Variants in GABRG3 observed in about 807,000 individuals in gnomAD.
GABRG3 encodes gamma-aminobutyric acid receptor subunit gamma-3.
A neutral mutation model predicts 48.8 loss-of-function variants in GABRG3; 25 were observed. The observed-to-expected ratio is 0.51, with a 90% CI of 0.37 to 0.72. The LOEUF (loss-of-function observed/expected upper bound fraction) is 0.72. Ranked by LOEUF, GABRG3 falls within the 30% of genes least tolerant of loss-of-function variation. GABRG3 has a pLI of 0.00. For missense variants in GABRG3, 394 were observed against 577.9 expected, an observed-to-expected ratio of 0.68 and a Z score of 3.26; for synonymous variants, 227 against 217.6, an observed-to-expected ratio of 1.04 and a Z score of -0.38.
rs371217467 is a variant in GABRG3 at position 26,994,308 on chromosome 15, G to C, written c.202+17158G>C. Among the ~76,000 whole-genome samples, 65 of 151,454 alleles carry C rather than the reference G, an allele frequency of 4.3e-4. No homozygotes were observed. In the South Asian group the frequency reaches 0.014, roughly 32 times the overall value. On this transcript the variant is annotated intron_variant, in intron 2 of 9. Transcript: ENST00000615808. ...TTCCTGTATTTCTTTTAGTGAGTGT[G>C]GTTTTCTCTGGTGGTTTGCTTTAAT...
chr15:27,393,358 A>AAAAAG lies in GABRG3; in HGVS notation c.574+64488_574+64492dup, dbSNP rs1392263659. Among the ~76,000 whole-genome samples, 165 of 141,236 alleles carry AAAAAG rather than the reference A, an allele frequency of 1.2e-3. 2 individuals are homozygous for AAAAAG. Among genetic ancestry groups the AAAAAG allele is most frequent in the South Asian group, 2.4e-3 (10 of 4,160 alleles). 92.7% of individuals were successfully genotyped at this position (141,236 alleles called of 152,430 possible). A position where few individuals can be genotyped will look rare whatever the true frequency, so the allele number is the denominator to read the frequency against. On this transcript the variant is annotated intron_variant, in intron 5 of 9. Coordinates refer to ENST00000615808, the MANE Select transcript of GABRG3 (RefSeq NM_033223.5). ...GACTCCGTCTCCAAAAAAAAAAAAA[A>AAAAAG]AAAAGAAAAGAAAAGAAAAGAATCA... is the stretch of plus-strand genomic sequence containing the variant.
chr15:27,229,017 C>A (rs1419833687), intron 3 of GABRG3, among the ~76,000 whole-genome samples: 1 of 152,108 alleles, frequency 6.6e-6, no homozygotes, highest in Non-Finnish European at 1.5e-5. Context: ...TGTAGGTTGT[C>A]TGTTTAATCT....
At chr15:27,016,376 A>G (rs940512020) in intron 2 of GABRG3, among the ~76,000 whole-genome samples, 7 of 151,688 alleles carry the variant, frequency 4.6e-5, no homozygotes, top group Non-Finnish European at 1.0e-4. Flanking sequence ...TACCATATGT[A>G]ATATTGTTGG....
intron 2 of GABRG3, among the ~76,000 whole-genome samples, chr15:27,008,856 A>G (rs1324113955): frequency 1.3e-5 from 2 of 152,166 alleles, no homozygotes; most frequent in Admixed American, 1.3e-4. Context: ...GATGGGTGTC[A>G]GTTGGCCTTT....
intron 3 of GABRG3, among the ~76,000 whole-genome samples, chr15:27,267,721 G>GT (rs1283376758): frequency 3.3e-5 from 5 of 151,872 alleles, no homozygotes; most frequent in African/African-American, 4.8e-5. Context: ...TTTACTGAGA[G>GT]TTTTTTTTAA....
chr15:27,301,677 A>G lies in GABRG3; in HGVS notation c.271-25132A>G, dbSNP rs542438369. 8.5e-5 allele frequency among the ~76,000 whole-genome samples: 13 copies of G among 152,134 alleles called. No individual in the cohort carries two copies. The South Asian group carries it at 2.5e-3, about 29-fold the overall frequency. ...CACAATTTATTTAAAAATATAAAAC[A>G]GTTAAAAACAAAACAAAAACAAACA... On this transcript the variant is annotated intron_variant, in intron 3 of 9. Transcript: ENST00000615808.
At chr15:27,468,957 G>T (rs1042689935) in intron 5 of GABRG3, among the ~76,000 whole-genome samples, 6 of 152,228 alleles carry the variant, frequency 3.9e-5, no homozygotes, top group Non-Finnish European at 7.3e-5. Flanking sequence ...CAGCCATAGT[G>T]CATGATAAAT....
chr15:27,431,005 A>C (rs982456007), intron 5 of GABRG3, among the ~76,000 whole-genome samples: 1 of 149,896 alleles, frequency 6.7e-6, no homozygotes, highest in African/African-American at 2.4e-5. Context: ...ATAAATAAAT[A>C]AATAAATAAA....
chr15:27,056,663 A>G (rs11856873), intron 3 of GABRG3, among the ~76,000 whole-genome samples: 16,475 of 152,168 alleles, frequency 0.11, 1,153 homozygotes, highest in East Asian at 0.25. Flanking sequence ...CTCAGACTGA[A>G]TGGGAAGTTC....
At chr15:27,221,747 C>T (rs1889461884) in intron 3 of GABRG3, among the ~76,000 whole-genome samples, 1 of 152,136 alleles carries the variant, frequency 6.6e-6, no homozygotes, top group Non-Finnish European at 1.5e-5. Context: ...TCAACGTAGC[C>T]TGTTTTAGTT....
At chr15:27,000,739 CA>C (rs1895428688) in intron 2 of GABRG3, among the ~76,000 whole-genome samples, 1 of 152,160 alleles carries the variant, frequency 6.6e-6, no homozygotes, top group Non-Finnish European at 1.5e-5. Flanking sequence ...AGAAGCTGAG[CA>C]GATGCCAGCA....
At chr15:27,382,677 C>T (rs1026440397) in intron 5 of GABRG3, among the ~76,000 whole-genome samples, 1 of 152,156 alleles carries the variant, frequency 6.6e-6, no homozygotes, top group Non-Finnish European at 1.5e-5. Context: ...GTGGTTTGCA[C>T]TACTGTGTTT....
rs113204525 is a variant in GABRG3 at position 27,254,258 on chromosome 15, G to A, written c.271-72551G>A. ...GCTGGGGAGGAAAGAACCAGGCTGC[G>A]AGGTTTCCAGAGGGAGGGAGGCAGG... is the stretch of plus-strand genomic sequence containing the variant. On this transcript the variant is annotated intron_variant, in intron 3 of 9. Coordinates refer to ENST00000615808, the MANE Select transcript of GABRG3 (RefSeq NM_033223.5). 3.6e-3 allele frequency among the ~76,000 whole-genome samples: 542 copies of A among 152,278 alleles called. 2 individuals carry two copies. Among genetic ancestry groups the A allele is most frequent in the African/African-American group, 0.012 (516 of 41,570 alleles).
At chr15:27,089,827 C>G (rs1306146085) in intron 3 of GABRG3, among the ~76,000 whole-genome samples, 1 of 152,234 alleles carries the variant, frequency 6.6e-6, no homozygotes, top group African/African-American at 2.4e-5. Context: ...GCTTCTTTCA[C>G]TCAGCATCAT....
At chr15:27,233,077 T>A (rs1889849626) in intron 3 of GABRG3, among the ~76,000 whole-genome samples, 1 of 151,932 alleles carries the variant, frequency 6.6e-6, no homozygotes, top group Non-Finnish European at 1.5e-5. Context: ...GCTTGGGTTC[T>A]GGAGACCCCG....
chr15:27,215,397 A>G lies in GABRG3; in HGVS notation c.271-111412A>G, dbSNP rs371196518. ...CTTTTCAGTGCATTTCCTAAGGGCC[A>G]GGATTGGAGAGAAGCAAGGGCTCTC... is the stretch of plus-strand genomic sequence containing the variant. On this transcript the variant is annotated intron_variant, in intron 3 of 9. Coordinates refer to ENST00000615808, the MANE Select transcript of GABRG3 (RefSeq NM_033223.5). Among the ~76,000 whole-genome samples, 29 of 152,334 alleles carry G rather than the reference A, an allele frequency of 1.9e-4. No individual in the cohort carries two copies. In the East Asian group the frequency reaches 2.7e-3, roughly 14 times the overall value.
At chr15:27,058,826 AT>A (rs1181462472) in intron 3 of GABRG3, among the ~76,000 whole-genome samples, 2 of 152,182 alleles carry the variant, frequency 1.3e-5, no homozygotes, top group African/African-American at 4.8e-5. Context: ...GCCATATCGT[AT>A]AAAGTAAAAT....
intron 5 of GABRG3, among the ~76,000 whole-genome samples, chr15:27,446,004 A>G (rs988269537): frequency 1.4e-4 from 22 of 152,062 alleles, no homozygotes; most frequent in African/African-American, 5.1e-4. Flanking sequence ...GTTGATCTAT[A>G]TTTCTATCCT....
intron 3 of GABRG3, among the ~76,000 whole-genome samples, chr15:27,300,808 A>T (rs1892179656): frequency 6.6e-6 from 1 of 150,902 alleles, no homozygotes; most frequent in African/African-American, 2.4e-5. Context: ...AACTACAAAA[A>T]CTTGTAGGAT....
Sources: gnomAD v4.1 joint callset for allele counts (sites outside exome capture counted in the v4.1 genomes callset) on GRCh38, gnomAD v4.1.1 for gene constraint, MANE v1.5 for transcripts, NCBI Gene and HGNC (gene_info 2026-07-23, HGNC 2026-07-21) for gene names.